The following DLGAP4 variants were observed in gnomAD, a reference collection of about 807,000 sequenced individuals.
DLGAP4 encodes DLG associated protein 4, also known as disks large-associated protein 4.
Under a neutral mutation model 86.9 loss-of-function variants are expected in DLGAP4, and 18 were observed. The ratio of observed to expected loss-of-function variants is 0.21; its 90% CI spans 0.14 to 0.31. DLGAP4 has a LOEUF of 0.31. Among genes scored for constraint, DLGAP4 ranks in the 10% least tolerant of loss-of-function variants. DLGAP4 has a pLI of 1.00. For missense variants in DLGAP4, 1,085 were observed against 1,362.6 expected (o/e 0.80, Z 3.21); for synonymous variants, 548 against 574.3 (o/e 0.95, Z 0.65).
At position 36,528,103 on chromosome 20, in the gene DLGAP4, G is replaced by C. The variant is rs376330637; in HGVS notation, c.*1072G>C. 4 of 151,952 alleles carry C rather than the reference G, an allele frequency of 2.6e-5. No individual in the cohort carries two copies. Among genetic ancestry groups the C allele is most frequent in the Admixed American group, 2.6e-4 (4 of 15,230 alleles). 9.4% of individuals were successfully genotyped at this position (151,952 alleles called of 1,614,324 possible). A position where few individuals can be genotyped will look rare whatever the true frequency, so the allele number is the denominator to read the frequency against. ...TATATCTAGGTGTGTGTACAAGTGT[G>C]TGTAAAAATATATACCTTGTGTGTA... On this transcript the variant is annotated 3_prime_UTR_variant, in exon 13 of 13. Coordinates refer to ENST00000339266, the MANE Select transcript of DLGAP4 (RefSeq NM_001365621.2).
In DLGAP4 at chr20:36,497,650, C is replaced by T. The variant is rs908768020; in HGVS notation, c.2010+584C>T. On this transcript the variant is annotated intron_variant, in intron 8 of 12. Coordinates refer to ENST00000339266, the MANE Select transcript of DLGAP4 (RefSeq NM_001365621.2). The stretch of plus-strand genomic sequence containing the variant: ...CCCATGTCATTGAGAAGGGTGATGC[C>T]GGTCTCACTGCCTCCCTCCATGGGA... 1.4e-5 allele frequency: 14 copies of T among 985,972 alleles called. No individual in the cohort carries two copies. The East Asian group carries it at 6.8e-4, about 48-fold the overall frequency. The allele number at this position is 985,972 out of a possible 1,614,324, so 61.1% of individuals were successfully genotyped here.
chr20:36,462,645 T>TG (rs751933579), intron 7 of DLGAP4: 1 of 1,559,012 alleles, frequency 6.4e-7, no homozygotes. Context: ...GCCCGCAGGC[T>TG]GGCCGCGGCC....
Position 36,467,162 on chromosome 20 carries a change from T to TA in DLGAP4, c.1648+20226dup, listed in dbSNP as rs1461460629. Among the ~76,000 whole-genome samples, 10 of 151,840 alleles carry TA rather than the reference T, an allele frequency of 6.6e-5. No individual in the cohort carries two copies. In the East Asian group the frequency reaches 1.6e-3, roughly 24 times the overall value. On this transcript the variant is annotated intron_variant, in intron 7 of 12. Coordinates refer to ENST00000339266, the MANE Select transcript of DLGAP4 (RefSeq NM_001365621.2). ...CAAGGCGTCTCTGCCCTGAGGAACT[T>TA]ATGGTCTGACAAGAAGACAAGCCTA...
chr20:36,517,303 GGGAGGTGGAGGTTGCAGTGAGCTGAGA>G (rs1311882756), intron 10 of DLGAP4, among the ~76,000 whole-genome samples: 5 of 152,108 alleles, frequency 3.3e-5, no homozygotes, highest in Non-Finnish European at 5.9e-5. Context: ...GCATGAACCT[GGGAGGTGGAGGTTGCAGTGAGCTGAGA>G]TTGCGCCACT....
chr20:36,486,642 C>G (rs983101701), intron 7 of DLGAP4, among the ~76,000 whole-genome samples: 1 of 148,330 alleles, frequency 6.7e-6, no homozygotes, highest in Admixed American at 6.7e-5. Flanking sequence ...TGAAATTTTG[C>G]TTCAGTTGCA....
intron 2 of DLGAP4, among the ~76,000 whole-genome samples, chr20:36,391,805 C>A (rs1293680657): frequency 6.6e-6 from 1 of 152,160 alleles, no homozygotes; most frequent in South Asian, 2.1e-4. Flanking sequence ...GTGTTAATGC[C>A]GTCTCCAATG....
intron 11 of DLGAP4, among the ~76,000 whole-genome samples, chr20:36,525,192 G>A (rs1198844894): frequency 8.5e-6 from 1 of 118,050 alleles, no homozygotes; most frequent in Non-Finnish European, 1.6e-5. Context: ...CATCCAGCCT[G>A]GGTGACAGAG....
intron 7 of DLGAP4, among the ~76,000 whole-genome samples, chr20:36,489,456 C>G (rs1343588669): frequency 6.6e-6 from 1 of 152,176 alleles, no homozygotes. Context: ...AGCCTGACAC[C>G]TTTTTAACTT....
chr20:36,314,144 A>G (rs1217916901), intron 1 of DLGAP4, among the ~76,000 whole-genome samples: 10 of 151,762 alleles, frequency 6.6e-5, no homozygotes, highest in Admixed American at 6.6e-4. Flanking sequence ...TGGGAGCAGA[A>G]GCGCGTGCAG....
At chr20:36,455,843 C>T (rs1050635888) in intron 7 of DLGAP4, among the ~76,000 whole-genome samples, 1 of 152,134 alleles carries the variant, frequency 6.6e-6, no homozygotes, top group Non-Finnish European at 1.5e-5. Context: ...ACAGTCAACC[C>T]TCCAGTCAAC....
chr20:36,330,965 T>C (rs2065261497), intron 1 of DLGAP4, among the ~76,000 whole-genome samples: 1 of 152,246 alleles, frequency 6.6e-6, no homozygotes, highest in Admixed American at 6.5e-5. Flanking sequence ...ATTATTATTA[T>C]TACTATTATG....
intron 1 of DLGAP4, among the ~76,000 whole-genome samples, chr20:36,358,756 C>T (rs1001710277): frequency 6.6e-5 from 10 of 152,000 alleles, no homozygotes; most frequent in Admixed American, 5.2e-4. Context: ...TGCAGTGAGC[C>T]GAGATGGTGC....
intron 1 of DLGAP4, among the ~76,000 whole-genome samples, chr20:36,312,114 G>A (rs1419726942): frequency 2.0e-5 from 3 of 152,282 alleles, no homozygotes; most frequent in Non-Finnish European, 2.9e-5. Flanking sequence ...TGAGGTTCAC[G>A]GGTACCAAGG....
chr20:36,505,484 G>A (rs2036322030), intron 10 of DLGAP4, among the ~76,000 whole-genome samples: 1 of 152,084 alleles, frequency 6.6e-6, no homozygotes, highest in Non-Finnish European at 1.5e-5. Context: ...TCTTAGAATA[G>A]TGGTTTTAGG....
At chr20:36,415,892 T>C (rs2032639949) in intron 2 of DLGAP4, among the ~76,000 whole-genome samples, 1 of 152,098 alleles carries the variant, frequency 6.6e-6, no homozygotes, top group Non-Finnish European at 1.5e-5. Context: ...ATCATCAGGA[T>C]CACCCTCTCA....
intron 7 of DLGAP4, among the ~76,000 whole-genome samples, chr20:36,489,168 C>A (rs1444528365): frequency 1.3e-5 from 2 of 152,230 alleles, no homozygotes; most frequent in African/African-American, 4.8e-5. Flanking sequence ...TCACCTTGTT[C>A]CACCTCAGCT....
At chr20:36,451,182 A>G (rs1452971594) in intron 7 of DLGAP4, among the ~76,000 whole-genome samples, 4 of 152,106 alleles carry the variant, frequency 2.6e-5, no homozygotes, top group Non-Finnish European at 4.4e-5. Flanking sequence ...TGAGTTTTCT[A>G]TGTATTTGAT....
intron 2 of DLGAP4, among the ~76,000 whole-genome samples, chr20:36,426,469 C>T (rs1047744896): frequency 6.6e-6 from 1 of 151,842 alleles, no homozygotes; most frequent in Non-Finnish European, 1.5e-5. Flanking sequence ...GAGCCGAGAT[C>T]GCACCACCGC....
At chr20:36,326,996 C>CTTT (rs377378667) in intron 1 of DLGAP4, among the ~76,000 whole-genome samples, 397 of 99,466 alleles carry the variant, frequency 4.0e-3, no homozygotes, top group African/African-American at 8.1e-3. Context: ...AAGATTTTCT[C>CTTT]TTTTTTTTTT....
Sources: gnomAD v4.1 joint callset for allele counts (sites outside exome capture counted in the v4.1 genomes callset) on GRCh38, gnomAD v4.1.1 for gene constraint, MANE v1.5 for transcripts, NCBI Gene and HGNC (gene_info 2026-07-23, HGNC 2026-07-21) for gene names.